Variants in REXO5 observed in about 807,000 individuals in gnomAD.
The protein encoded by REXO5 is RNA exonuclease 5, also known as exonuclease NEF-sp.
In REXO5, 48 loss-of-function variants were observed where a neutral mutation model predicts 88.5. That is an observed-to-expected ratio of 0.54 (90% CI 0.43 to 0.69). REXO5 has a LOEUF of 0.69. Ranked by LOEUF, REXO5 falls within the 30% of genes least tolerant of loss-of-function variation. REXO5 has a pLI of 0.00. For missense variants in REXO5, 749 were observed against 912.2 expected, an observed-to-expected ratio of 0.82 and a Z score of 2.30; for synonymous variants, 311 against 336.5, an observed-to-expected ratio of 0.92 and a Z score of 0.83.
chr16:20,843,107 C>T (rs1416607770), intron 15 of REXO5, among the ~76,000 whole-genome samples: 1 of 152,184 alleles, frequency 6.6e-6, no homozygotes, highest in Non-Finnish European at 1.5e-5. Context: ...TTGAGTGTCG[C>T]AGGCAATTTG....
Position 20,813,313 on chromosome 16 carries a change from A to AATTTAAATGG in REXO5, c.251+12_251+21dup, listed in dbSNP as rs1365735002. 6.7e-7 allele frequency: 1 copy of AATTTAAATGG among 1,488,358 alleles called. No homozygotes were observed. Among genetic ancestry groups the AATTTAAATGG allele is most frequent in the Non-Finnish European group, 9.4e-7 (1 of 1,066,908 alleles). The allele number at this position is 1,488,358 out of a possible 1,614,324, so 92.2% of individuals were successfully genotyped here. A position where few individuals can be genotyped will look rare whatever the true frequency, so the allele number is the denominator to read the frequency against. ...TGTTCCAAAACCCAGGTATGAGATG[A>AATTTAAATGG]ATTTAAATGGTGGGTATTGACCAGC... On this transcript the variant is annotated intron_variant, in intron 3 of 19. Coordinates refer to ENST00000261377, the MANE Select transcript of REXO5 (RefSeq NM_030941.3).
At chr16:20,818,098 A>G (rs1421888308) in intron 5 of REXO5, among the ~76,000 whole-genome samples, 1 of 152,196 alleles carries the variant, frequency 6.6e-6, no homozygotes, top group Admixed American at 6.5e-5. Context: ...ATCTCTATTC[A>G]GATGTCAATT....
chr16:20,846,325 G>T lies in REXO5; in HGVS notation c.2229G>T (p.Leu743=). ...LCPGTLCLIL[L]PGTKSTHGSL... is the part of the protein sequence containing the mutation. ...CGGGCACTCTCTGCCTCATCCTGCT[G>T]CCAGGAACCAAGAGGTAAGGACTAG... Residue 743 remains leucine, a synonymous_variant, in exon 19 of 20, where the codon CTG becomes CTT. Coordinates refer to ENST00000261377, the MANE Select transcript of REXO5 (RefSeq NM_030941.3). 6.2e-7 allele frequency: 1 copy of T among 1,613,528 alleles called. No individual in the cohort carries two copies. The highest frequency in any genetic ancestry group is 1.7e-5 in the Admixed American group (1 of 60,002).
intron 2 of REXO5, among the ~76,000 whole-genome samples, chr16:20,812,539 C>T (rs2081015995): frequency 6.6e-6 from 1 of 151,988 alleles, no homozygotes; most frequent in Non-Finnish European, 1.5e-5. Flanking sequence ...AAGAAAAAAA[C>T]AAGTATAAGT....
At position 20,810,882 on chromosome 16, in the gene REXO5, T is replaced by C. The variant is rs555813299; in HGVS notation, c.139-2308T>C. On this transcript the variant is annotated intron_variant, in intron 2 of 19. Coordinates refer to ENST00000261377, the MANE Select transcript of REXO5 (RefSeq NM_030941.3). ...AGGTCATCTTCCTTTGTGAGCACCCTCATCCTATGACAGGTGGCTGCCACC... is the reference window on the plus strand; with the variant it reads ...AGGTCATCTTCCTTTGTGAGCACCCCCATCCTATGACAGGTGGCTGCCACC... Among the ~76,000 whole-genome samples the C allele has an allele frequency of 6.6e-5, 10 of 152,278 alleles. No homozygotes were observed. The East Asian group carries it at 1.7e-3, about 26-fold the overall frequency.
intron 2 of REXO5, among the ~76,000 whole-genome samples, chr16:20,809,993 T>G (rs2080971900): frequency 6.6e-6 from 1 of 152,242 alleles, no homozygotes; most frequent in African/African-American, 2.4e-5. Context: ...GCTTTAAATA[T>G]CCAAGATTTT....
chr16:20,841,458 A>G (rs1311711930), intron 15 of REXO5, among the ~76,000 whole-genome samples: 3 of 152,180 alleles, frequency 2.0e-5, no homozygotes, highest in Admixed American at 6.5e-5. Flanking sequence ...GGAAGACTTC[A>G]CTGTAAATAT....
Position 20,842,315 on chromosome 16 carries a change from G to T in REXO5, c.1627-1619G>T, listed in dbSNP as rs147006620. Reference sequence around the variant, plus strand: ...TACAATATTTGTCCTTTTGTGTCTGGTTTATTTCATTTAGCATGTCTTCAA... The same window carrying T: ...TACAATATTTGTCCTTTTGTGTCTGTTTTATTTCATTTAGCATGTCTTCAA... On this transcript the variant is annotated intron_variant, in intron 15 of 19. Transcript: ENST00000261377. 4.2e-3 allele frequency among the ~76,000 whole-genome samples: 645 copies of T among 151,946 alleles called. 3 individuals are homozygous for T. Among genetic ancestry groups the T allele is most frequent in the Middle Eastern group, 0.024 (7 of 294 alleles).
chr16:20,846,462 T>C (rs889967277), intron 19 of REXO5, 123 bp downstream of exon 19: 6 of 657,282 alleles, frequency 9.1e-6, no homozygotes, highest in African/African-American at 1.8e-5. Flanking sequence ...ATCTCTTTAA[T>C]TTTCACCGTT....
chr16:20,816,395 G>A (rs920748522), intron 5 of REXO5, among the ~76,000 whole-genome samples, 183 bp downstream of exon 5: 17 of 151,884 alleles, frequency 1.1e-4, no homozygotes, highest in African/African-American at 2.7e-4. Context: ...GTGATCACAC[G>A]GCTCACTGCA....
intron 2 of REXO5, among the ~76,000 whole-genome samples, chr16:20,810,685 C>T (rs72778668): frequency 0.14 from 20,636 of 152,142 alleles, 1,785 homozygotes; most frequent in South Asian, 0.26. Flanking sequence ...CGTGAACCAC[C>T]GCGCCCAGTC....
chr16:20,828,134 G>A (rs923203710), intron 10 of REXO5, among the ~76,000 whole-genome samples: 1 of 152,132 alleles, frequency 6.6e-6, no homozygotes, highest in African/African-American at 2.4e-5. Flanking sequence ...TCTGAGAAAT[G>A]GGCCTGGTCC....
In REXO5 at chr16:20,846,324, T is replaced by A. The variant is rs200771707; in HGVS notation, c.2228T>A (p.Leu743Gln). Reference protein sequence around the residue: ...LCPGTLCLILLPGTKSTHGSL... With the variant: ...LCPGTLCLILQPGTKSTHGSL... Reference sequence around the variant, plus strand: ...CCGGGCACTCTCTGCCTCATCCTGCTGCCAGGAACCAAGAGGTAAGGACTA... The same window carrying A: ...CCGGGCACTCTCTGCCTCATCCTGCAGCCAGGAACCAAGAGGTAAGGACTA... The change falls in exon 19 of 20, where the codon CTG becomes CAG. Residue 743 changes from leucine (L) to glutamine (Q), a missense_variant. By Grantham distance (113) the Leu-to-Gln change is moderately radical. Transcript: ENST00000261377. 1.2e-6 allele frequency: 2 copies of A among 1,613,678 alleles called. No individual in the cohort carries two copies. Among genetic ancestry groups the A allele is most frequent in the Non-Finnish European group, 1.7e-6 (2 of 1,179,612 alleles).
chr16:20,808,141 C>G (rs1010425084), intron 2 of REXO5, among the ~76,000 whole-genome samples: 3 of 152,148 alleles, frequency 2.0e-5, no homozygotes, highest in African/African-American at 7.2e-5. Flanking sequence ...TTGAATCACC[C>G]CGAAACCATC....
At chr16:20,816,310 T>G (rs2081080407) in intron 5 of REXO5, 98 bp downstream of exon 5, 2 of 1,032,002 alleles carry the variant, frequency 1.9e-6, no homozygotes, top group Admixed American at 5.4e-5. Flanking sequence ...TCTAACTAGC[T>G]TAAGCACAAA....
At chr16:20,828,603 G>A in intron 11 of REXO5, 66 bp downstream of exon 11, 2 of 1,065,826 alleles carry the variant, frequency 1.9e-6, no homozygotes, top group Non-Finnish European at 1.5e-6. Flanking sequence ...GATTATCACA[G>A]ACTACCAACT....
intron 14 of REXO5, 129 bp downstream of exon 14, chr16:20,839,988 A>G: frequency 1.6e-6 from 1 of 631,944 alleles, no homozygotes; most frequent in East Asian, 2.7e-5. Flanking sequence ...CTGCATATTA[A>G]CATTTAAAAA....
chr16:20,835,901 CTGG>C (rs1350846539), intron 13 of REXO5, among the ~76,000 whole-genome samples: 2 of 151,978 alleles, frequency 1.3e-5, no homozygotes, highest in Non-Finnish European at 2.9e-5. Flanking sequence ...TTAGCCAGGC[CTGG>C]TAGCACATGC....
At chr16:20,813,374 A>AG in intron 3 of REXO5, 72 bp downstream of exon 3, 1 of 773,488 alleles carries the variant, frequency 1.3e-6, no homozygotes, top group Non-Finnish European at 2.0e-6. Flanking sequence ...TACCTCTCCC[A>AG]AGCTCCATCA....
Sources: allele counts gnomAD v4.1 joint callset (sites outside exome capture counted in the v4.1 genomes callset), GRCh38; gene constraint gnomAD v4.1.1; transcripts MANE v1.5; gene names NCBI Gene and HGNC (gene_info 2026-07-23, HGNC 2026-07-21).